EYA4: variants seen among roughly 807,000 people sequenced by gnomAD.
EYA4 encodes EYA transcriptional coactivator and phosphatase 4, also known as protein phosphatase EYA4.
EYA4 carries 31 observed loss-of-function variants against 87.9 expected under a neutral mutation model. The ratio of observed to expected loss-of-function variants is 0.35; its 90% CI spans 0.27 to 0.48. EYA4 has a LOEUF of 0.48. Ranked by LOEUF, EYA4 falls within the 20% of genes least tolerant of loss-of-function variation. The pLI, the probability that EYA4 is intolerant of heterozygous loss-of-function variation, is 0.99. For synonymous variants in EYA4, 263 were observed against 270.6 expected, an observed-to-expected ratio of 0.97 and a Z score of 0.28; for missense variants, 678 against 761.4, an observed-to-expected ratio of 0.89 and a Z score of 1.29.
intron 2 of EYA4, among the ~76,000 whole-genome samples, chr6:133,294,804 C>A (rs749499349): frequency 2.0e-5 from 3 of 152,038 alleles, no homozygotes; most frequent in Admixed American, 6.6e-5. Flanking sequence ...TTGTCTCAAG[C>A]TCCTAACCTC....
Position 133,394,282 on chromosome 6 carries a change from GTGTTTTTT to G in EYA4, c.83+11843_83+11850del, listed in dbSNP as rs1198725022. 1.4e-3 allele frequency among the ~76,000 whole-genome samples: 151 copies of G among 107,816 alleles called. 8 individuals are homozygous for G. The highest frequency in any genetic ancestry group is 6.6e-3 in the African/African-American group (138 of 20,844). The allele number at this position is 107,816 out of a possible 152,430, so 70.7% of individuals were successfully genotyped here. On this transcript the variant is annotated intron_variant, in intron 3 of 19. Coordinates refer to ENST00000355286, the MANE Select transcript of EYA4 (RefSeq NM_004100.5). ...GTTGGAAAAATGTATATATAAGCTTGTGTTTTTTTTTTTTTTTTTTTTTTTTTTTTTTT... is the reference window on the plus strand; with the variant it reads ...GTTGGAAAAATGTATATATAAGCTTGTTTTTTTTTTTTTTTTTTTTTTTTT...
At chr6:133,416,407 A>AT (rs768099080) in intron 3 of EYA4, among the ~76,000 whole-genome samples, 15 of 152,140 alleles carry the variant, frequency 9.9e-5, no homozygotes, top group East Asian at 3.9e-4. Context: ...CCTCTTGCAC[A>AT]TTTTTTTTCC....
intron 2 of EYA4, among the ~76,000 whole-genome samples, chr6:133,296,260 A>G (rs1253481631): frequency 6.6e-6 from 1 of 152,222 alleles, no homozygotes; most frequent in Non-Finnish European, 1.5e-5. Flanking sequence ...CACAAGGTCC[A>G]AGAGGTGGTG....
At chr6:133,346,499 TATC>T (rs1180347466) in intron 2 of EYA4, among the ~76,000 whole-genome samples, 1 of 152,232 alleles carries the variant, frequency 6.6e-6, no homozygotes, top group Non-Finnish European at 1.5e-5. Context: ...TTAAAAATCT[TATC>T]ATTAGCAACC....
chr6:133,481,428 A>G, intron 11 of EYA4, 35 bp from the exon 12 acceptor site: 2 of 1,602,624 alleles, frequency 1.2e-6, no homozygotes, highest in South Asian at 2.2e-5. Context: ...CTAAAAATGA[A>G]GTGCTATTCT....
At chr6:133,284,988 G>GTT (rs397801019) in intron 2 of EYA4, among the ~76,000 whole-genome samples, 18 of 145,230 alleles carry the variant, frequency 1.2e-4, no homozygotes, top group South Asian at 6.7e-4. Context: ...GTGGTTTTTT[G>GTT]TTTTTTTTTT....
chr6:133,356,939 T>G (rs975751049), intron 2 of EYA4, among the ~76,000 whole-genome samples: 2 of 151,760 alleles, frequency 1.3e-5, no homozygotes, highest in Non-Finnish European at 2.9e-5. Context: ...CTTTTTGAAC[T>G]GAGATTGTCC....
At chr6:133,491,155 A>G (rs1797117043) in intron 13 of EYA4, among the ~76,000 whole-genome samples, 1 of 152,130 alleles carries the variant, frequency 6.6e-6, no homozygotes, top group Non-Finnish European at 1.5e-5. Flanking sequence ...TCTTGAAAGA[A>G]AAAAGTGATA....
chr6:133,260,486 C>T (rs1038595257), intron 1 of EYA4, among the ~76,000 whole-genome samples: 1 of 152,188 alleles, frequency 6.6e-6, no homozygotes, highest in Non-Finnish European at 1.5e-5. Context: ...GATCTGCCTG[C>T]CTGAGCCTCC....
At chr6:133,377,935 T>C (rs1401067995) in intron 2 of EYA4, among the ~76,000 whole-genome samples, 1 of 151,266 alleles carries the variant, frequency 6.6e-6, no homozygotes, top group Non-Finnish European at 1.5e-5. Flanking sequence ...TAATATTGTA[T>C]ACTTTAAAAT....
chr6:133,507,333 A>G (rs1309286989), intron 14 of EYA4: 1 of 152,024 alleles, frequency 6.6e-6, no homozygotes, highest in African/African-American at 2.4e-5. Context: ...TGAAAATTTT[A>G]CAAGTGTGTG....
chr6:133,307,300 A>G (rs958089111), intron 2 of EYA4, among the ~76,000 whole-genome samples: 2 of 152,232 alleles, frequency 1.3e-5, no homozygotes, highest in Admixed American at 6.5e-5. Flanking sequence ...GAAGTTAAAC[A>G]TTATTGCATT....
chr6:133,399,708 GT>G (rs1437438309), intron 3 of EYA4, among the ~76,000 whole-genome samples: 1 of 152,150 alleles, frequency 6.6e-6, no homozygotes, highest in Non-Finnish European at 1.5e-5. Context: ...TTTAAGAGTA[GT>G]TTTCTGACTT....
chr6:133,483,528 C>G (rs1043085248), intron 13 of EYA4, among the ~76,000 whole-genome samples: 3 of 151,798 alleles, frequency 2.0e-5, no homozygotes, highest in Admixed American at 6.6e-5. Context: ...TCTGACAGAT[C>G]TTTTGGATTT....
chr6:133,392,423 G>A (rs549331325), intron 3 of EYA4, among the ~76,000 whole-genome samples: 3 of 152,204 alleles, frequency 2.0e-5, no homozygotes, highest in Admixed American at 2.0e-4. Context: ...TCTCTTACAG[G>A]TATTGAGAGC....
At chr6:133,378,989 TA>T (rs774484172) in intron 2 of EYA4, among the ~76,000 whole-genome samples, 1 of 151,704 alleles carries the variant, frequency 6.6e-6, no homozygotes, top group African/African-American at 2.4e-5. Context: ...TTTCAACATT[TA>T]TTTTTTTATT....
At chr6:133,385,428 TGTGTGTGTGTGTGA>T (rs1786656354) in intron 3 of EYA4, among the ~76,000 whole-genome samples, 1 of 146,968 alleles carries the variant, frequency 6.8e-6, no homozygotes, top group Non-Finnish European at 1.5e-5. Context: ...TGTGTGTGTG[TGTGTGTGTGTGTGA>T]GAGAGAGAGA....
rs138153607 is a variant in EYA4, at chr6:133,354,266, A to C, written c.34-28126A>C. On this transcript the variant is annotated intron_variant, in intron 2 of 19. Transcript: ENST00000355286. ...TAAGTCTTATATAACTATGAATTCC[A>C]GAGAGGTGGAAGTTGTTATCTTTAA... is the stretch of plus-strand genomic sequence containing the variant. 5.3e-5 allele frequency among the ~76,000 whole-genome samples: 8 copies of C among 152,298 alleles called. No homozygotes were observed. In the East Asian group the frequency reaches 1.5e-3, roughly 29 times the overall value.
intron 1 of EYA4, among the ~76,000 whole-genome samples, chr6:133,266,379 T>C (rs1056577711): frequency 3.9e-5 from 6 of 152,110 alleles, no homozygotes; most frequent in Non-Finnish European, 8.8e-5. Flanking sequence ...AGACAAAGGA[T>C]GCTTCCCTAG....
Sources: gnomAD v4.1 joint callset for allele counts (sites outside exome capture counted in the v4.1 genomes callset) on GRCh38, gnomAD v4.1.1 for gene constraint, MANE v1.5 for transcripts, NCBI Gene and HGNC (gene_info 2026-07-23, HGNC 2026-07-21) for gene names.